ECE2: variants seen among roughly 807,000 people sequenced by gnomAD.
ECE2 encodes the protein endothelin-converting enzyme 2.
Under a neutral mutation model 100.6 loss-of-function variants are expected in ECE2, and 81 were observed. The ratio of observed to expected loss-of-function variants is 0.81; its 90% CI spans 0.67 to 0.97. ECE2 has a LOEUF of 0.97. ECE2 is among the 50% of genes least tolerant of loss of function. The pLI is 0.00. For missense variants in ECE2, 911 were observed against 988.1 expected, an observed-to-expected ratio of 0.92 and a Z score of 1.05; for synonymous variants, 391 against 391.5, an observed-to-expected ratio of 1.00 and a Z score of 0.02.
rs904179619 is a variant in ECE2, at chr3:184,290,922, G to A, written c.1834+62G>A. Reference sequence around the variant, plus strand: ...TTCCCAGTGGCTCCTGCAAGGCCTTGGGACATTGATGTAGCCCCAAGGGCC... The same window carrying A: ...TTCCCAGTGGCTCCTGCAAGGCCTTAGGACATTGATGTAGCCCCAAGGGCC... On this transcript the variant is annotated intron_variant, in intron 16 of 18. Coordinates refer to ENST00000404464, the MANE Select transcript of ECE2 (RefSeq NM_001100121.2). 9 of 1,611,188 alleles carry A rather than the reference G, an allele frequency of 5.6e-6. No homozygotes were observed. The South Asian group carries it at 8.8e-5, about 16-fold the overall frequency.
chr3:184,279,782 T>A (rs1194887426), intron 7 of ECE2, among the ~76,000 whole-genome samples: 1 of 150,882 alleles, frequency 6.6e-6, no homozygotes, highest in Non-Finnish European at 1.5e-5. Context: ...CAGGAATGGG[T>A]TATGGAGGGG....
At chr3:184,283,697 G>C in intron 7 of ECE2, 88 bp from the exon 8 acceptor site, 1 of 1,363,718 alleles carries the variant, frequency 7.3e-7, no homozygotes, top group Non-Finnish European at 1.0e-6. Flanking sequence ...AAGCAGAAGA[G>C]ATATTGGGCA....
In ECE2 at chr3:184,291,121, G is replaced by A. The variant is rs760997766; in HGVS notation, c.1916G>A (p.Cys639Tyr). 3 of 1,611,744 alleles carry A rather than the reference G, an allele frequency of 1.9e-6. No individual in the cohort carries two copies. In the South Asian group the frequency reaches 3.3e-5, roughly 18 times the overall value. ...SLAAFRNHTA[C>Y]MEEQYNQYQV... The stretch of plus-strand genomic sequence containing the variant: ...GCAGCCTTCCGGAACCACACGGCCT[G>A]CATGGAGGAACAGTACAATCAATAC... Residue 639 changes from cysteine to tyrosine, a missense_variant, in exon 17 of 19, where the codon TGC (cysteine) becomes TAC (tyrosine). By Grantham distance (194) the Cys-to-Tyr change is radical (BLOSUM62 -2). Transcript: ENST00000404464. The surrounding 1 kb of genome is among the most constrained non-coding windows in gnomAD (Gnocchi z 4.1).
rs376909619 is a variant in ECE2, at chr3:184,289,516, G to A, written c.1454G>A (p.Arg485His). 35 of 1,612,462 alleles carry A rather than the reference G, an allele frequency of 2.2e-5. No individual in the cohort carries two copies. The highest frequency in any genetic ancestry group is 1.3e-4 in the East Asian group (6 of 44,878). ...GQLVWMDEKT[R>H]QAAKEKADAI... Reference sequence around the variant, plus strand: ...CTGGTTTGGATGGATGAGAAGACCCGCCAGGCAGCCAAGGAGAAAGTGAGC... The same window carrying A: ...CTGGTTTGGATGGATGAGAAGACCCACCAGGCAGCCAAGGAGAAAGTGAGC... The change falls in exon 12 of 19, where the codon CGC becomes CAC. Residue 485 changes from arginine to histidine, a missense_variant. Arg to His is a conservative substitution (Grantham distance 29). Coordinates refer to ENST00000404464, the MANE Select transcript of ECE2 (RefSeq NM_001100121.2). This position sits in a 1 kb window ranked among gnomAD's most constrained non-coding sequence, Gnocchi z 4.1.
At position 184,292,646 on chromosome 3, in the gene ECE2, T is replaced by C. The variant is rs561693377; in HGVS notation, c.*408T>C. 4.7e-6 allele frequency: 1 copy of C among 214,566 alleles called. No individual in the cohort carries two copies. Among genetic ancestry groups the C allele is most frequent in the African/African-American group, 2.2e-5 (1 of 44,552 alleles). 13.3% of individuals were successfully genotyped at this position (214,566 alleles called of 1,614,324 possible). A position where few individuals can be genotyped will look rare whatever the true frequency, so the allele number is the denominator to read the frequency against. ...TGGACTTCTCCCCAGGCTCACTCAG[T>C]GCGCACTTAGGGGTGGACTCAGCTC... is the stretch of plus-strand genomic sequence containing the variant. On this transcript the variant is annotated 3_prime_UTR_variant, in exon 19 of 19. Coordinates refer to ENST00000404464, the MANE Select transcript of ECE2 (RefSeq NM_001100121.2).
rs756846165 is a variant in ECE2 at position 184,292,193 on chromosome 3, T to C, written c.2253T>C (p.Pro751=). The C allele has an allele frequency of 4.3e-6, 7 of 1,614,158 alleles. No individual in the cohort carries two copies. Among genetic ancestry groups the C allele is most frequent in the Non-Finnish European group, 5.9e-6 (7 of 1,180,024 alleles). ...ACTTCCTGCGGCACTTCGGCTGCCC[T>C]GTCGGCTCCCCCATGAACCCAGGGC... The part of the protein sequence containing the change: ...SRDFLRHFGC[P]VGSPMNPGQL... Residue 751 remains proline (P), a synonymous_variant, in exon 19 of 19, where the codon CCT becomes CCC. Coordinates refer to ENST00000404464, the MANE Select transcript of ECE2 (RefSeq NM_001100121.2).
In ECE2 at chr3:184,276,134, C is replaced by T. The variant is rs1720532911; in HGVS notation, c.-20C>T. 3.6e-6 allele frequency: 5 copies of T among 1,379,560 alleles called. No homozygotes were observed. In the Admixed American group the frequency reaches 9.8e-5, roughly 27 times the overall value. 85.5% of individuals were successfully genotyped at this position (1,379,560 alleles called of 1,614,324 possible). A position where few individuals can be genotyped will look rare whatever the true frequency, so the allele number is the denominator to read the frequency against. On this transcript the variant is annotated 5_prime_UTR_variant, in exon 1 of 19. Coordinates refer to ENST00000404464, the MANE Select transcript of ECE2 (RefSeq NM_001100121.2). Reference sequence around the variant, plus strand: ...GCCAGCTGCCGGGAGCCCTGAATCACCGCCTGGCCCGACTCCACCATGAAC... The same window carrying T: ...GCCAGCTGCCGGGAGCCCTGAATCATCGCCTGGCCCGACTCCACCATGAAC...
rs766312622 is a variant in ECE2, at chr3:184,291,470, C to T, written c.2121+31C>T. On this transcript the variant is annotated intron_variant, in intron 18 of 18. Transcript: ENST00000404464. The surrounding 1 kb of genome is among the most constrained non-coding windows in gnomAD (Gnocchi z 4.1). ...ACCCTCTCGGAAGGCCTGGGGTCTG[C>T]CCCTTTGTCCTGCTCCCTCCTGAGT... 3 of 1,531,054 alleles carry T rather than the reference C, an allele frequency of 2.0e-6. No individual in the cohort carries two copies. Among genetic ancestry groups the T allele is most frequent in the Non-Finnish European group, 2.6e-6 (3 of 1,137,412 alleles). 94.8% of individuals were successfully genotyped at this position (1,531,054 alleles called of 1,614,324 possible).
chr3:184,286,170 G>A lies in ECE2; in HGVS notation c.1263+578G>A, dbSNP rs191337832. 2.9e-3 allele frequency among the ~76,000 whole-genome samples: 444 copies of A among 152,232 alleles called. 1 individual carries two copies. Among genetic ancestry groups the A allele is most frequent in the Non-Finnish European group, 4.7e-3 (317 of 68,030 alleles). ...GATGGAAAAGTTCACCAAGAAAGCC[G>A]GGGAGAAGGGCATTCCAGGGACAAG... On this transcript the variant is annotated intron_variant, in intron 10 of 18. Coordinates refer to ENST00000404464, the MANE Select transcript of ECE2 (RefSeq NM_001100121.2).
chr3:184,292,053 G>A lies in ECE2; in HGVS notation c.2122-9G>A, dbSNP rs747703378. On this transcript the variant is annotated splice_polypyrimidine_tract_variant and intron_variant, in intron 18 of 18. Transcript: ENST00000404464. ...CACCATATGCCCCCATGTCTGTCCT[G>A]GCCCGCAGGTGTGGTGCTCGGTCCG... 29 of 1,608,418 alleles carry A rather than the reference G, an allele frequency of 1.8e-5. No individual in the cohort carries two copies. The highest frequency in any genetic ancestry group is 2.5e-5 in the Non-Finnish European group (29 of 1,176,264).
rs141024211 is a variant in ECE2 at position 184,289,659 on chromosome 3, A to G, written c.1492A>G (p.Met498Val). ...TCTTCAGGCAGATGCCATCTATGAT[A>G]TGATTGGTTTCCCAGACTTTATCCT... ...AKEKADAIYD[M>V]IGFPDFILEP... The change falls in exon 13 of 19, where the codon ATG becomes GTG. Residue 498 changes from methionine to valine, a missense_variant. Met to Val is a conservative substitution (Grantham distance 21). Coordinates refer to ENST00000404464, the MANE Select transcript of ECE2 (RefSeq NM_001100121.2). This position sits in a 1 kb window ranked among gnomAD's most constrained non-coding sequence, Gnocchi z 4.1. 253 of 1,613,820 alleles carry G rather than the reference A, an allele frequency of 1.6e-4. 2 individuals carry two copies. The African/African-American group carries it at 3.1e-3, about 20-fold the overall frequency.
At position 184,276,509 on chromosome 3, in the gene ECE2, G is replaced by C. The variant is rs749865348; in HGVS notation, c.68G>C (p.Arg23Pro). The C allele has an allele frequency of 6.2e-6, 10 of 1,610,966 alleles. No homozygotes were observed. Among genetic ancestry groups the C allele is most frequent in the Non-Finnish European group, 2.5e-6 (3 of 1,179,726 alleles). The change falls in exon 2 of 19, where the codon CGG becomes CCG. Residue 23 changes from arginine to proline, a missense_variant. By Grantham distance (103) the Arg-to-Pro change is moderately radical. Coordinates refer to ENST00000404464, the MANE Select transcript of ECE2 (RefSeq NM_001100121.2). ...GTGGAGTACAAACGGGCCACGCTTC[G>C]GGATGAAGACGCACCCGAGACCCCC... ...NMVEYKRATL[R>P]DEDAPETPVE...
At chr3:184,280,169 A>C (rs1208070206) in intron 7 of ECE2, among the ~76,000 whole-genome samples, 1 of 152,138 alleles carries the variant, frequency 6.6e-6, no homozygotes, top group Non-Finnish European at 1.5e-5. Flanking sequence ...TCTAGGAAGA[A>C]CCAGCTTAGG....
In ECE2 at chr3:184,285,403, G is replaced by A; in HGVS notation, c.1149-75G>A. 3 of 1,211,776 alleles carry A rather than the reference G, an allele frequency of 2.5e-6. No homozygotes were observed. The South Asian group carries it at 3.7e-5, about 15-fold the overall frequency. 75.1% of individuals were successfully genotyped at this position (1,211,776 alleles called of 1,614,324 possible). A position where few individuals can be genotyped will look rare whatever the true frequency, so the allele number is the denominator to read the frequency against. On this transcript the variant is annotated intron_variant, in intron 9 of 18. Transcript: ENST00000404464. ...CTCTCGGGACTCCTGCAACTTGCAT[G>A]TTCCTGGGGGCTGGTTTGAGGGGTG... is the stretch of plus-strand genomic sequence containing the variant.
At chr3:184,276,289 G>A in intron 1 of ECE2, 97 bp downstream of exon 1, 1 of 1,413,996 alleles carries the variant, frequency 7.1e-7, no homozygotes, top group Non-Finnish European at 9.3e-7. Context: ...CCGGCTCGCG[G>A]AGGTAAGGCT....
In ECE2 at chr3:184,276,437, C is replaced by G. The variant is rs779888163; in HGVS notation, c.40-44C>G. 6 of 1,573,526 alleles carry G rather than the reference C, an allele frequency of 3.8e-6. No individual in the cohort carries two copies. The African/African-American group carries it at 6.7e-5, about 18-fold the overall frequency. On this transcript the variant is annotated intron_variant, in intron 1 of 18. Coordinates refer to ENST00000404464, the MANE Select transcript of ECE2 (RefSeq NM_001100121.2). ...CTGGGGCAGGGTCGTGGGCAAATAG[C>G]CCTCTCTGCCTGACCTCGGTTGGCA...
rs1721290647 is a variant in ECE2, at chr3:184,291,112, A to G, written c.1907A>G (p.His636Arg). The G allele has an allele frequency of 6.2e-7, 1 of 1,609,760 alleles. No homozygotes were observed. The highest frequency in any genetic ancestry group is 8.5e-7 in the Non-Finnish European group (1 of 1,177,634). The part of the protein sequence containing the change: ...QNESLAAFRN[H>R]TACMEEQYNQ... ...GAGTCCCTGGCAGCCTTCCGGAACCACACGGCCTGCATGGAGGAACAGTAC... is the reference window on the plus strand; with the variant it reads ...GAGTCCCTGGCAGCCTTCCGGAACCGCACGGCCTGCATGGAGGAACAGTAC... The change falls in exon 17 of 19, where the codon CAC becomes CGC. Residue 636 changes from histidine (H) to arginine (R), a missense_variant. By Grantham distance (29) the His-to-Arg change is conservative (BLOSUM62 0). Transcript: ENST00000404464. This position sits in a 1 kb window ranked among gnomAD's most constrained non-coding sequence, Gnocchi z 4.1.
Position 184,291,207 on chromosome 3 carries a change from G to A in ECE2, c.2002G>A (p.Gly668Arg), listed in dbSNP as rs202225237. 1.8e-4 allele frequency: 285 copies of A among 1,612,642 alleles called. No individual in the cohort carries two copies. Among genetic ancestry groups the A allele is most frequent in the Non-Finnish European group, 2.3e-4 (276 of 1,179,390 alleles). ...GCTGGGGGAGAACATTGCTGACAAC[G>A]GGGGGCTGAAGGCTGCCTACAATGT... ...QTLGENIADN[G>R]GLKAAYNAYK... Residue 668 changes from glycine (G) to arginine (R), a missense_variant, in exon 17 of 19, where the codon GGG becomes AGG. Gly to Arg is a moderately radical substitution (Grantham distance 125). Coordinates refer to ENST00000404464, the MANE Select transcript of ECE2 (RefSeq NM_001100121.2). The surrounding 1 kb of genome is among the most constrained non-coding windows in gnomAD (Gnocchi z 4.1).
rs750350085 is a variant in ECE2 at position 184,277,035 on chromosome 3, G to A, written c.262+8G>A. The A allele has an allele frequency of 6.2e-7, 1 of 1,613,806 alleles. No individual in the cohort carries two copies. The highest frequency in any genetic ancestry group is 2.2e-5 in the East Asian group (1 of 44,872). On this transcript the variant is annotated splice_region_variant and intron_variant, in intron 3 of 18. Coordinates refer to ENST00000404464, the MANE Select transcript of ECE2 (RefSeq NM_001100121.2). The stretch of plus-strand genomic sequence containing the variant: ...GGGTCCAGTACCACAGAGGTAGGTG[G>A]GCCCACACTCTTCGTCAGTATTCAT...
Sources: allele counts gnomAD v4.1 joint callset (sites outside exome capture counted in the v4.1 genomes callset), GRCh38; gene constraint gnomAD v4.1.1; non-coding constraint Gnocchi (gnomAD v3.1); transcripts MANE v1.5; gene names NCBI Gene and HGNC (gene_info 2026-07-23, HGNC 2026-07-21).